CFDP1: variants seen among roughly 807,000 people sequenced by gnomAD.
CFDP1 encodes chromatin remodeling protein CFDP1, also known as heterochromatin-stabilizing protein CFDP1.
CFDP1 carries 31 observed loss-of-function variants against 40.1 expected under a neutral mutation model. That is an observed-to-expected ratio of 0.77 (90% CI 0.58 to 1.04). The LOEUF (loss-of-function observed/expected upper bound fraction) is 1.04. Among genes scored for constraint, CFDP1 ranks in the 50% least tolerant of loss-of-function variants. The probability of loss-of-function intolerance (pLI) is 0.00; values close to 1 mark genes in which losing one functional copy is unlikely to be tolerated. For synonymous variants in CFDP1, 167 were observed against 120.0 expected (o/e 1.39, Z -2.56); for missense variants, 423 against 343.4 (o/e 1.23, Z -1.83).
intron 5 of CFDP1, among the ~76,000 whole-genome samples, chr16:75,389,422 T>C (rs963798552): frequency 6.6e-6 from 1 of 152,256 alleles, no homozygotes; most frequent in Admixed American, 6.5e-5. Context: ...ACTTTGGCTT[T>C]TTATAGCCTA....
Position 75,396,349 on chromosome 16 carries a change from C to A in CFDP1, c.531-1140G>T, listed in dbSNP as rs778408442. On this transcript the variant is annotated intron_variant, in intron 4 of 6. Transcript: ENST00000283882. ...AGTCATGAGTTTGAGACCAGCCTGG[C>A]CAACATGGTGAAACCCTGTCTCTAC... 1.4e-4 allele frequency among the ~76,000 whole-genome samples: 14 copies of A among 103,686 alleles called. 5 individuals are homozygous for A. The highest frequency in any genetic ancestry group is 3.0e-4 in the Non-Finnish European group (13 of 43,234). The allele number at this position is 103,686 out of a possible 152,430, so 68.0% of individuals were successfully genotyped here.
chr16:75,401,406 C>T (rs1362751379), intron 4 of CFDP1, among the ~76,000 whole-genome samples: 1 of 96,550 alleles, frequency 1.0e-5, no homozygotes, highest in South Asian at 3.3e-4. Context: ...CCACCCTGGG[C>T]AACAAAGTTA....
chr16:75,385,618 A>T (rs11149819), intron 5 of CFDP1, among the ~76,000 whole-genome samples: 148,894 of 152,288 alleles, frequency 0.98, 72,808 homozygotes, highest in East Asian at 1. Flanking sequence ...CGAATCTAAT[A>T]AGGCAAAGAA....
intron 5 of CFDP1, among the ~76,000 whole-genome samples, chr16:75,328,428 T>C (rs1434844485): frequency 7.1e-5 from 9 of 127,506 alleles, no homozygotes; most frequent in Non-Finnish European, 1.5e-4. Context: ...CATCGAAAAA[T>C]ACAAAAAAAA....
intron 4 of CFDP1, among the ~76,000 whole-genome samples, chr16:75,396,516 G>C (rs916663928): frequency 9.6e-6 from 1 of 103,796 alleles, no homozygotes; most frequent in African/African-American, 2.9e-5. Flanking sequence ...TTCAGCCTGG[G>C]CAACAGAGCG....
At chr16:75,374,021 A>G (rs2078773093) in intron 5 of CFDP1, among the ~76,000 whole-genome samples, 1 of 151,208 alleles carries the variant, frequency 6.6e-6, no homozygotes. Context: ...GGGAGGCCAA[A>G]CCAGGTGGAT....
intron 5 of CFDP1, among the ~76,000 whole-genome samples, chr16:75,383,817 T>TAAAAAA (rs35216321): frequency 7.8e-6 from 1 of 127,406 alleles, no homozygotes; most frequent in Non-Finnish European, 1.6e-5. Context: ...GACTCCGTCT[T>TAAAAAA]AAAAAAAAAA....
chr16:75,305,192 G>C lies in CFDP1; in HGVS notation c.651-10C>G, dbSNP rs957952622. 1.9e-6 allele frequency: 3 copies of C among 1,611,714 alleles called. No individual in the cohort carries two copies. In the East Asian group the frequency reaches 6.7e-5, roughly 36 times the overall value. ...ACTTGATCTTTTTAACCTAAGGAAA[G>C]AAAATATGAAAGATGTAGCAGGTAA... On this transcript the variant is annotated splice_polypyrimidine_tract_variant and intron_variant, in intron 5 of 6. Transcript: ENST00000283882.
chr16:75,427,594 C>G (rs1021613524), intron 1 of CFDP1, among the ~76,000 whole-genome samples: 1 of 152,088 alleles, frequency 6.6e-6, no homozygotes, highest in South Asian at 2.1e-4. Flanking sequence ...ACAAAAAAAT[C>G]TGACCACCCC....
intron 4 of CFDP1, among the ~76,000 whole-genome samples, chr16:75,397,822 T>C (rs530697456): frequency 2.0e-5 from 3 of 151,924 alleles, no homozygotes; most frequent in East Asian, 3.9e-4. Flanking sequence ...AATAAATAAA[T>C]AAAAATAAAA....
At chr16:75,407,180 C>T (rs182906088) in intron 4 of CFDP1, among the ~76,000 whole-genome samples, 1 of 152,126 alleles carries the variant, frequency 6.6e-6, no homozygotes, top group East Asian at 1.9e-4. Context: ...ACACTCCAAC[C>T]CGAGTGACAG....
intron 1 of CFDP1, among the ~76,000 whole-genome samples, chr16:75,421,563 C>A (rs1325380656): frequency 6.6e-6 from 1 of 152,096 alleles, no homozygotes; most frequent in East Asian, 1.9e-4. Flanking sequence ...CTTTCTAGTG[C>A]CCCAAGCATA....
chr16:75,399,547 CT>C (rs199688800), intron 4 of CFDP1, among the ~76,000 whole-genome samples: 3 of 151,482 alleles, frequency 2.0e-5, no homozygotes, highest in South Asian at 2.1e-4. Context: ...TTTTCTTCTT[CT>C]TTTTTTTTGT....
chr16:75,349,678 A>ATATATATATATATAT (rs1567653462), intron 5 of CFDP1, among the ~76,000 whole-genome samples: 13 of 5,908 alleles, frequency 2.2e-3, no homozygotes, highest in Non-Finnish European at 3.3e-3. Context: ...AAAAAAAAAA[A>ATATATATATATATAT]AAAAAAAAAA....
intron 1 of CFDP1, 36 bp downstream of exon 1, chr16:75,433,253 G>A (rs763008348): frequency 1.3e-6 from 2 of 1,564,478 alleles, no homozygotes. Context: ...CGTGGGGCGG[G>A]GCAATTCGCT....
At chr16:75,372,020 G>A (rs1013941874) in intron 5 of CFDP1, among the ~76,000 whole-genome samples, 2 of 152,126 alleles carry the variant, frequency 1.3e-5, no homozygotes, top group Admixed American at 6.6e-5. Flanking sequence ...ACAGCTCTAT[G>A]AAGTAGGAAT....
At chr16:75,316,107 T>C (rs75452843) in intron 5 of CFDP1, among the ~76,000 whole-genome samples, 3,356 of 152,010 alleles carry the variant, frequency 0.022, 68 homozygotes, top group African/African-American at 0.054. Context: ...ATATTTTTGC[T>C]GAGGATGCTA....
chr16:75,349,686 A>ATATAT (rs56373574), intron 5 of CFDP1, among the ~76,000 whole-genome samples: 2 of 8,896 alleles, frequency 2.2e-4, no homozygotes, highest in African/African-American at 3.6e-4. Flanking sequence ...AAAAAAAAAA[A>ATATAT]AAAAATATAT....
At chr16:75,347,306 T>C (rs2078574168) in intron 5 of CFDP1, among the ~76,000 whole-genome samples, 1 of 125,380 alleles carries the variant, frequency 8.0e-6, no homozygotes, top group African/African-American at 3.1e-5. Context: ...ATCGGACCAT[T>C]GCACTCCAGC....
Sources: allele counts gnomAD v4.1 joint callset (sites outside exome capture counted in the v4.1 genomes callset), GRCh38; gene constraint gnomAD v4.1.1; transcripts MANE v1.5; gene names NCBI Gene and HGNC (gene_info 2026-07-23, HGNC 2026-07-21).